Variants in PDCD10 observed in about 807,000 individuals in gnomAD.
PDCD10 encodes programmed cell death protein 10.
A neutral mutation model predicts 29.2 loss-of-function variants in PDCD10; 4 were observed. That is an observed-to-expected ratio of 0.14 (90% CI 0.07 to 0.31). PDCD10 has a LOEUF of 0.31. Ranked by LOEUF, PDCD10 falls within the 10% of genes least tolerant of loss-of-function variation. The pLI is 1.00. For synonymous variants in PDCD10, 70 were observed against 82.2 expected, an observed-to-expected ratio of 0.85 and a Z score of 0.80; for missense variants, 183 against 257.9, an observed-to-expected ratio of 0.71 and a Z score of 1.99.
chr3:167,701,355 C>CAT (rs1259448732), intron 4 of PDCD10, among the ~76,000 whole-genome samples: 4 of 152,122 alleles, frequency 2.6e-5, no homozygotes, highest in South Asian at 2.1e-4. Context: ...CATACACACA[C>CAT]ATATATATGT....
intron 4 of PDCD10, among the ~76,000 whole-genome samples, chr3:167,699,014 G>T (rs1721096871): frequency 6.6e-6 from 1 of 152,050 alleles, no homozygotes; most frequent in African/African-American, 2.4e-5. Flanking sequence ...AATAAGTATA[G>T]TGTCCTAACT....
rs183613068 is a variant in PDCD10 at position 167,711,009 on chromosome 3, C to T, written c.97-6114G>A. 1.1e-4 allele frequency among the ~76,000 whole-genome samples: 16 copies of T among 152,206 alleles called. No homozygotes were observed. The East Asian group carries it at 3.1e-3, about 29-fold the overall frequency. ...AACCACAGCATTATTGAGCTTGGGG[C>T]CCAAGTCCCTCAGAACACTTAGAAA... On this transcript the variant is annotated intron_variant, in intron 3 of 8. Coordinates refer to ENST00000392750, the MANE Select transcript of PDCD10 (RefSeq NM_007217.4).
intron 2 of PDCD10, among the ~76,000 whole-genome samples, chr3:167,732,766 C>T (rs1724949685): frequency 6.6e-6 from 1 of 152,180 alleles, no homozygotes; most frequent in South Asian, 2.1e-4. Flanking sequence ...TTATTTCATA[C>T]CTCCTTCAAC....
At chr3:167,702,007 A>G (rs753614472) in intron 4 of PDCD10, among the ~76,000 whole-genome samples, 10 of 152,238 alleles carry the variant, frequency 6.6e-5, no homozygotes, top group Non-Finnish European at 1.2e-4. Context: ...ACAAATGGAC[A>G]TTAGACAACC....
At chr3:167,717,747 C>T (rs1723161763) in intron 3 of PDCD10, among the ~76,000 whole-genome samples, 1 of 151,988 alleles carries the variant, frequency 6.6e-6, no homozygotes, top group African/African-American at 2.4e-5. Context: ...TAAGTACCAT[C>T]CCTATTTCTA....
intron 3 of PDCD10, among the ~76,000 whole-genome samples, chr3:167,710,267 G>A (rs1248093902): frequency 1.3e-5 from 2 of 152,058 alleles, no homozygotes; most frequent in African/African-American, 4.8e-5. Flanking sequence ...TGGGGTCCCC[G>A]AGTCCAGGCC....
chr3:167,730,201 T>C (rs1433947250), intron 2 of PDCD10, among the ~76,000 whole-genome samples: 1 of 150,700 alleles, frequency 6.6e-6, no homozygotes, highest in Non-Finnish European at 1.5e-5. Flanking sequence ...TGTGCTTTCA[T>C]TTTTTGCATT....
chr3:167,689,316 T>G (rs1286439970), intron 6 of PDCD10, among the ~76,000 whole-genome samples: 2 of 152,198 alleles, frequency 1.3e-5, no homozygotes, highest in African/African-American at 4.8e-5. Context: ...ATAAAACATG[T>G]CAAATCTCTA....
At chr3:167,706,572 A>T (rs1721997281) in intron 3 of PDCD10, among the ~76,000 whole-genome samples, 1 of 152,208 alleles carries the variant, frequency 6.6e-6, no homozygotes, top group African/African-American at 2.4e-5. Flanking sequence ...TTGCGCTACA[A>T]TGAACAATGG....
intron 2 of PDCD10, chr3:167,725,452 G>C (rs1197422322): frequency 6.6e-6 from 1 of 151,806 alleles, no homozygotes; most frequent in East Asian, 1.9e-4. Context: ...CCAAACAAGA[G>C]ACCAAGATTT....
intron 3 of PDCD10, among the ~76,000 whole-genome samples, chr3:167,710,806 C>T (rs888016339): frequency 2.0e-5 from 3 of 152,176 alleles, no homozygotes; most frequent in Non-Finnish European, 4.4e-5. Context: ...GTGGTGGCAA[C>T]AGGGGTGTCA....
At chr3:167,721,441 T>C (rs1723551566) in intron 2 of PDCD10, among the ~76,000 whole-genome samples, 1 of 152,158 alleles carries the variant, frequency 6.6e-6, no homozygotes, top group African/African-American at 2.4e-5. Context: ...ACCCAGAATT[T>C]ATTATTCACT....
At chr3:167,725,235 C>A (rs1221703922) in intron 2 of PDCD10, among the ~76,000 whole-genome samples, 2 of 124,438 alleles carry the variant, frequency 1.6e-5, no homozygotes, top group Non-Finnish European at 1.6e-5. Context: ...CCAGCCTGGG[C>A]AACAGAGCGA....
At chr3:167,697,907 C>T (rs1720975079) in intron 4 of PDCD10, 1 of 456,374 alleles carries the variant, frequency 2.2e-6, no homozygotes, top group Admixed American at 2.4e-5. Context: ...TGTAATCACA[C>T]TTGATGTTTG....
At chr3:167,686,048 G>T (rs1365110886) in intron 8 of PDCD10, among the ~76,000 whole-genome samples, 1 of 152,052 alleles carries the variant, frequency 6.6e-6, no homozygotes, top group African/African-American at 2.4e-5. Context: ...GTAATGATGT[G>T]ACATGAATAT....
intron 3 of PDCD10, 150 bp from the exon 4 acceptor site, chr3:167,705,045 A>G (rs2108438940): frequency 3.7e-6 from 2 of 537,982 alleles, no homozygotes. Context: ...TTCTTCAATT[A>G]GGCTATCAAA....
At chr3:167,733,188 TA>T (rs1386038172) in intron 2 of PDCD10, among the ~76,000 whole-genome samples, 1 of 152,210 alleles carries the variant, frequency 6.6e-6, no homozygotes, top group East Asian at 1.9e-4. Context: ...AACTTATATA[TA>T]AAACAGTAAG....
chr3:167,727,363 A>AT lies in PDCD10; in HGVS notation c.-117+6850dup, dbSNP rs928587994. ...CATCTCTTTAGTTGTGACAATCCTCATTTTTTTTTCCTATGTCTAAATTTT... is the reference window on the plus strand; with the variant it reads ...CATCTCTTTAGTTGTGACAATCCTCATTTTTTTTTTCCTATGTCTAAATTTT... On this transcript the variant is annotated intron_variant, in intron 2 of 8. Coordinates refer to ENST00000392750, the MANE Select transcript of PDCD10 (RefSeq NM_007217.4). 6.4e-4 allele frequency among the ~76,000 whole-genome samples: 97 copies of AT among 151,572 alleles called. No individual in the cohort carries two copies. In the East Asian group the frequency reaches 0.016, roughly 25 times the overall value.
At chr3:167,718,560 T>C (rs989083543) in intron 3 of PDCD10, among the ~76,000 whole-genome samples, 2 of 151,998 alleles carry the variant, frequency 1.3e-5, no homozygotes, top group African/African-American at 2.4e-5. Flanking sequence ...TCCAACCCCT[T>C]TGTGGCTAGG....
Sources: allele counts gnomAD v4.1 joint callset (sites outside exome capture counted in the v4.1 genomes callset), GRCh38; gene constraint gnomAD v4.1.1; transcripts MANE v1.5; gene names NCBI Gene and HGNC (gene_info 2026-07-23, HGNC 2026-07-21).